Variants in PVT1 observed in about 807,000 individuals in gnomAD.
PVT1 encodes the protein Pvt1 oncogene, also known as CXCR4/PVT1 fusion.
At chr8:127,971,872 A>G (rs1478212002) in intron 3 of PVT1, among the ~76,000 whole-genome samples, 5 of 152,128 alleles carry the variant, frequency 3.3e-5, no homozygotes, top group Non-Finnish European at 4.4e-5. Flanking sequence ...TTCTTTAGAA[A>G]TGGAGAAAGG....
At chr8:128,032,541 T>C (rs1813404167) in intron 4 of PVT1, among the ~76,000 whole-genome samples, 1 of 152,258 alleles carries the variant, frequency 6.6e-6, no homozygotes, top group African/African-American at 2.4e-5. Flanking sequence ...ATTTCCATCA[T>C]GGTGTACCAT....
intron 3 of PVT1, among the ~76,000 whole-genome samples, chr8:127,913,049 C>T (rs1028256351): frequency 1.3e-5 from 2 of 152,050 alleles, no homozygotes; most frequent in East Asian, 1.9e-4. Context: ...GGGGTTTTAC[C>T]GTGTTGGCCA....
intron 4 of PVT1, among the ~76,000 whole-genome samples, chr8:128,053,438 A>T (rs970884851): frequency 1.3e-5 from 2 of 149,304 alleles, no homozygotes; most frequent in African/African-American, 4.9e-5. Context: ...ATATATGTGT[A>T]TTTTATATAT....
intron 3 of PVT1, among the ~76,000 whole-genome samples, chr8:127,923,551 T>A (rs558438151): frequency 1.3e-5 from 2 of 152,282 alleles, no homozygotes; most frequent in African/African-American, 2.4e-5. Flanking sequence ...CTGAGCAGGA[T>A]CTTCTATTGG....
intron 2 of PVT1, among the ~76,000 whole-genome samples, chr8:127,844,934 C>T (rs1014513753): frequency 2.0e-5 from 3 of 152,028 alleles, no homozygotes; most frequent in Admixed American, 1.3e-4. Context: ...AGGATGGTCT[C>T]GATCTCCTGA....
At chr8:127,835,895 C>G (rs572630893) in intron 2 of PVT1, among the ~76,000 whole-genome samples, 7 of 152,272 alleles carry the variant, frequency 4.6e-5, no homozygotes, top group African/African-American at 1.7e-4. Flanking sequence ...GTCTTCCAGC[C>G]TCATCAAGTG....
intron 3 of PVT1, among the ~76,000 whole-genome samples, chr8:127,985,436 CTT>C (rs549166946): frequency 3.9e-4 from 55 of 141,920 alleles, no homozygotes; most frequent in South Asian, 2.0e-3. Context: ...TGAGTAGCTG[CTT>C]TTTTTTTTTT....
intron 3 of PVT1, among the ~76,000 whole-genome samples, chr8:127,973,243 G>A (rs962561533): frequency 1.3e-5 from 2 of 152,066 alleles, no homozygotes; most frequent in East Asian, 1.9e-4. Flanking sequence ...CTTGCCATGT[G>A]TGCACACCTG....
At chr8:128,046,740 T>C (rs1296832538) in intron 4 of PVT1, among the ~76,000 whole-genome samples, 2 of 152,218 alleles carry the variant, frequency 1.3e-5, no homozygotes, top group Admixed American at 1.3e-4. Flanking sequence ...GTCCTCTCCC[T>C]TTTCTCTGTC....
chr8:128,040,752 G>T (rs1254978577), intron 4 of PVT1, among the ~76,000 whole-genome samples: 2 of 152,044 alleles, frequency 1.3e-5, no homozygotes, highest in African/African-American at 2.4e-5. Flanking sequence ...GTGCTTGTGT[G>T]TGTGTATGTG....
Position 127,975,100 on chromosome 8 carries a change from G to A in PVT1, n.783-14062G>A, listed in dbSNP as rs144632960. ...AAATTAAAGTGCCTAGTAGTTTGCCGTTACACTTCTAAGGGTGCCATGAGC... is the reference window on the plus strand; with the variant it reads ...AAATTAAAGTGCCTAGTAGTTTGCCATTACACTTCTAAGGGTGCCATGAGC... On this transcript the variant is annotated intron_variant and non_coding_transcript_variant, in intron 3 of 10. Coordinates refer to ENST00000651587, the Ensembl canonical transcript of PVT1. Among the ~76,000 whole-genome samples the A allele has an allele frequency of 2.5e-3, 383 of 152,246 alleles. 4 individuals carry two copies. The highest frequency in any genetic ancestry group is 8.8e-3 in the African/African-American group (365 of 41,526).
chr8:128,037,596 G>A (rs1350675404), intron 4 of PVT1, among the ~76,000 whole-genome samples: 4 of 152,138 alleles, frequency 2.6e-5, no homozygotes, highest in South Asian at 2.1e-4. Flanking sequence ...ATAAATACAC[G>A]CTAGGCTAGC....
intron 2 of PVT1, among the ~76,000 whole-genome samples, chr8:127,810,970 A>C (rs1814587737): frequency 6.6e-6 from 1 of 152,130 alleles, no homozygotes; most frequent in Non-Finnish European, 1.5e-5. Context: ...TTGTTTCTAC[A>C]GTGGGTTCCT....
chr8:127,899,932 G>GCAA (rs1815737670), intron 3 of PVT1, among the ~76,000 whole-genome samples: 2 of 152,194 alleles, frequency 1.3e-5, no homozygotes, highest in South Asian at 4.1e-4. Context: ...GCTACAAAGG[G>GCAA]CAACGTAACA....
intron 3 of PVT1, among the ~76,000 whole-genome samples, chr8:127,944,896 C>T (rs887803313): frequency 2.0e-5 from 3 of 152,206 alleles, no homozygotes; most frequent in Non-Finnish European, 4.4e-5. Flanking sequence ...CTTCCCTCCC[C>T]GTGCTCATGG....
chr8:127,975,562 C>T (rs1006866262), intron 3 of PVT1, among the ~76,000 whole-genome samples: 1 of 152,132 alleles, frequency 6.6e-6, no homozygotes, highest in African/African-American at 2.4e-5. Flanking sequence ...AACATTGAGC[C>T]TTTGTATGAA....
intron 4 of PVT1, among the ~76,000 whole-genome samples, chr8:127,993,809 A>T (rs1817072605): frequency 6.6e-6 from 1 of 152,184 alleles, no homozygotes; most frequent in East Asian, 1.9e-4. Flanking sequence ...GTGATTTCTC[A>T]TCCTTTCTCC....
At chr8:127,891,803 C>G (rs1359723708) in intron 3 of PVT1, among the ~76,000 whole-genome samples, 1 of 152,242 alleles carries the variant, frequency 6.6e-6, no homozygotes, top group Non-Finnish European at 1.5e-5. Context: ...CACAGTTTCC[C>G]TGCAGCCCAT....
intron 3 of PVT1, among the ~76,000 whole-genome samples, chr8:127,897,831 A>T (rs1479311399): frequency 6.8e-6 from 1 of 148,036 alleles, no homozygotes; most frequent in African/African-American, 2.5e-5. Context: ...AAAGAAAAGA[A>T]AGAAAGAAAG....
Sources: allele counts gnomAD v4.1 joint callset (sites outside exome capture counted in the v4.1 genomes callset), GRCh38; gene constraint gnomAD v4.1.1; transcripts MANE v1.5; gene names NCBI Gene and HGNC (gene_info 2026-07-23, HGNC 2026-07-21).